Variants in PAGE5 observed in about 807,000 individuals in gnomAD.
The protein encoded by PAGE5 is P antigen family member 5.
In PAGE5, 8 loss-of-function variants were observed where a neutral mutation model predicts 8.1. That is an observed-to-expected ratio of 0.98 (90% CI 0.58 to 1.77). The LOEUF is 1.77. Ranked by LOEUF, PAGE5 falls within the 40% of genes most tolerant of loss-of-function variation. The pLI is 0.00. For missense variants in PAGE5, 64 were observed against 77.6 expected (o/e 0.82, Z 0.66); for synonymous variants, 30 against 27.0 (o/e 1.11, Z -0.35).
At position 55,221,785 on chromosome X, in the gene PAGE5, G is replaced by A. The variant is rs760619797; in HGVS notation, c.100G>A (p.Glu34Lys). 23 of 1,210,034 alleles carry A rather than the reference G, an allele frequency of 1.9e-5. No homozygotes were observed. In the South Asian group the frequency reaches 4.1e-4, roughly 21 times the overall value. ...CCCTTAGGTCCAGCAGCCCACTGAG[G>A]AAAAACGTCAAGAAGAGGAACCACC... Reference protein sequence around the residue: ...GPVIVQQPTEEKRQEEEPPTD... With the variant: ...GPVIVQQPTEKKRQEEEPPTD... The change falls in exon 3 of 5, where the codon GAA (glutamate) becomes AAA (lysine). Residue 34 changes from glutamate to lysine, a missense_variant. By Grantham distance (56) the Glu-to-Lys change is moderately conservative (BLOSUM62 1). Coordinates refer to ENST00000374955, the MANE Select transcript of PAGE5 (RefSeq NM_001013435.3).
rs143069807 is a variant in PAGE5, at chrX:55,222,659, C to T, written c.229C>T (p.Leu77Phe). ...AGCTTTTCAACAGGAACTGGCTCTG[C>T]TTAAGATAGAGGATGCACCTGGAGA... ...VEAFQQELAL[L>F]KIEDAPGDGP... Residue 77 changes from leucine (L) to phenylalanine (F), a missense_variant, in exon 4 of 5, where the codon CTT becomes TTT. Leu to Phe is a conservative substitution (Grantham distance 22). Coordinates refer to ENST00000374955, the MANE Select transcript of PAGE5 (RefSeq NM_001013435.3). The T allele has an allele frequency of 2.5e-5, 30 of 1,207,440 alleles. No individual in the cohort carries two copies. Among genetic ancestry groups the T allele is most frequent in the Middle Eastern group, 2.3e-4 (1 of 4,371 alleles).
At position 55,220,564 on chromosome X, in the gene PAGE5, G is replaced by A. The variant is rs759982638; in HGVS notation, c.-9+112G>A. On this transcript the variant is annotated intron_variant, in intron 1 of 4. Transcript: ENST00000374955. Reference sequence around the variant, plus strand: ...CAGTCCGTGGCTTTGAGGGAAAAGGGCCTCGCGGTGGTCCTCCGCCTTCCC... The same window carrying A: ...CAGTCCGTGGCTTTGAGGGAAAAGGACCTCGCGGTGGTCCTCCGCCTTCCC... 5 of 1,168,923 alleles carry A rather than the reference G, an allele frequency of 4.3e-6. 1 individual carries two copies. The Admixed American group carries it at 1.2e-4, about 29-fold the overall frequency.
intron 3 of PAGE5, among the ~76,000 whole-genome samples, chrX:55,222,358 A>G (rs192471887): frequency 6.2e-5 from 7 of 112,183 alleles, no homozygotes; most frequent in South Asian, 3.7e-4. Flanking sequence ...TAGTCTAGTC[A>G]GACTGACTCA....
chrX:55,223,811 T>C (rs1169976343), intron 4 of PAGE5, among the ~76,000 whole-genome samples, 176 bp from the exon 5 acceptor site: 6 of 111,776 alleles, frequency 5.4e-5, no homozygotes, highest in Non-Finnish European at 1.1e-4. Flanking sequence ...AAAAATATTG[T>C]TAATATGCCT....
rs1444624739 is a variant in PAGE5 at position 55,221,863 on chromosome X, C to T, written c.178C>T (p.Pro60Ser). Residue 60 changes from proline (P) to serine (S), a missense_variant, in exon 3 of 5, where the codon CCT becomes TCT. Pro to Ser is a moderately conservative substitution (Grantham distance 74). Coordinates refer to ENST00000374955, the MANE Select transcript of PAGE5 (RefSeq NM_001013435.3). ...TGGGGAGATCAAAAATGAAGGAGCA[C>T]CTGCTGTTCAAGGTGAAGGGAGAGT... Reference protein sequence around the residue: ...PSGEIKNEGAPAVQGTDVEAF... With the variant: ...PSGEIKNEGASAVQGTDVEAF... 1 of 1,204,113 alleles carries T rather than the reference C, an allele frequency of 8.3e-7. No homozygotes were observed. The highest frequency in any genetic ancestry group is 1.8e-5 in the South Asian group (1 of 55,561).
At chrX:55,223,703 A>G (rs1313688867) in intron 4 of PAGE5, among the ~76,000 whole-genome samples, 1 of 111,866 alleles carries the variant, frequency 8.9e-6, no homozygotes, top group African/African-American at 3.2e-5. Context: ...GCATATTTTT[A>G]CTTTCCACTT....
At chrX:55,220,543 C>A in intron 1 of PAGE5, 91 bp downstream of exon 1, 13 of 1,125,692 alleles carry the variant, frequency 1.2e-5, no homozygotes, top group South Asian at 1.9e-5. Flanking sequence ...GTGGCACAGT[C>A]CGTGGCTTTG....
intron 4 of PAGE5, 98 bp downstream of exon 4, chrX:55,222,844 T>C (rs1388095692): frequency 1.0e-6 from 1 of 994,667 alleles, no homozygotes; most frequent in African/African-American, 1.9e-5. Flanking sequence ...TTTAATATCA[T>C]ACTTCACATC....
At chrX:55,222,808 T>C in intron 4 of PAGE5, 62 bp downstream of exon 4, 12 of 1,129,755 alleles carry the variant, frequency 1.1e-5, no homozygotes, top group Non-Finnish European at 1.4e-5. Flanking sequence ...GTATTTTGTG[T>C]GACACAGAGG....
intron 2 of PAGE5, 54 bp downstream of exon 2, chrX:55,221,517 A>T: frequency 8.8e-7 from 1 of 1,142,365 alleles, no homozygotes; most frequent in Admixed American, 2.2e-5. Context: ...TTTAAAAAAT[A>T]TTTTTGAGCG....
rs910391938 is a variant in PAGE5 at position 55,220,452 on chromosome X, G to A, written c.-9G>A. ...CTTTCTCACTGACCGAGACTCAGCC[G>A]GTAGGTCTGCAGAGTGGTCTTCCTG... On this transcript the variant is annotated splice_region_variant and 5_prime_UTR_variant, in exon 1 of 5. In the 5' UTR this introduces an upstream ATG that the reference lacks. Coordinates refer to ENST00000374955, the MANE Select transcript of PAGE5 (RefSeq NM_001013435.3). The A allele has an allele frequency of 1.5e-5, 8 of 533,459 alleles. No individual in the cohort carries two copies. The highest frequency in any genetic ancestry group is 4.6e-5 in the African/African-American group (2 of 43,616). The allele number at this position is 533,459 out of a possible 1,213,427, so 44.0% of individuals were successfully genotyped here.
chrX:55,223,001 A>C (rs1372768216), intron 4 of PAGE5, among the ~76,000 whole-genome samples: 3 of 111,661 alleles, frequency 2.7e-5, no homozygotes, highest in Non-Finnish European at 3.8e-5. Context: ...GAACTTCAAG[A>C]GATAGAATAA....
rs980841925 is a variant in PAGE5, at chrX:55,222,533, T to G, written c.191-88T>G. The G allele has an allele frequency of 6.9e-6, 7 of 1,019,736 alleles. No individual in the cohort carries two copies. In the African/African-American group the frequency reaches 1.3e-4, roughly 19 times the overall value. 84.0% of individuals were successfully genotyped at this position (1,019,736 alleles called of 1,213,427 possible). A position where few individuals can be genotyped will look rare whatever the true frequency, so the allele number is the denominator to read the frequency against. ...TCTGAAATAATTAGCCTACAGGTTTTTATTTCACAATGATGAGGGAATAAA... is the reference window on the plus strand; with the variant it reads ...TCTGAAATAATTAGCCTACAGGTTTGTATTTCACAATGATGAGGGAATAAA... On this transcript the variant is annotated intron_variant, in intron 3 of 4. Transcript: ENST00000374955.
chrX:55,220,578 C>G, intron 1 of PAGE5, 126 bp downstream of exon 1: 1 of 1,185,575 alleles, frequency 8.4e-7, no homozygotes, highest in Non-Finnish European at 1.1e-6. Context: ...CGCGGTGGTC[C>G]TCCGCCTTCC....
rs1262797498 is a variant in PAGE5, at chrX:55,221,633, G to A, written c.82-134G>A. ...ATATTATATTCTGGTGTTGCCTTAT[G>A]GATATGGATATTTTACTCTCTCTCT... On this transcript the variant is annotated intron_variant, in intron 2 of 4. Coordinates refer to ENST00000374955, the MANE Select transcript of PAGE5 (RefSeq NM_001013435.3). The A allele has an allele frequency of 8.9e-6, 8 of 900,683 alleles. No homozygotes were observed. The East Asian group carries it at 2.0e-4, about 23-fold the overall frequency. 74.2% of individuals were successfully genotyped at this position (900,683 alleles called of 1,213,427 possible).
chrX:55,220,911 C>T (rs371117534), intron 1 of PAGE5, among the ~76,000 whole-genome samples: 27 of 111,075 alleles, frequency 2.4e-4, no homozygotes, highest in African/African-American at 8.8e-4. Context: ...ATAACCTTAA[C>T]TCTGTGTCGC....
chrX:55,222,571 G>T, intron 3 of PAGE5, 50 bp from the exon 4 acceptor site: 1 of 1,132,171 alleles, frequency 8.8e-7, no homozygotes, highest in Non-Finnish European at 1.2e-6. Flanking sequence ...TTATTACCTC[G>T]TTCATAGTTC....
At chrX:55,221,591 G>A (rs1937892382) in intron 2 of PAGE5, 128 bp downstream of exon 2, 2 of 939,500 alleles carry the variant, frequency 2.1e-6, no homozygotes, top group Admixed American at 3.2e-5. Context: ...TCTCATGAAG[G>A]CAACTTTGGT....
intron 4 of PAGE5, 31 bp from the exon 5 acceptor site, chrX:55,223,956 A>G: frequency 9.1e-7 from 1 of 1,096,915 alleles, no homozygotes; most frequent in Non-Finnish European, 1.2e-6. Flanking sequence ...TCTGCTGAAT[A>G]ACGTGCTCTA....
Sources: allele counts gnomAD v4.1 joint callset (sites outside exome capture counted in the v4.1 genomes callset), GRCh38; gene constraint gnomAD v4.1.1; transcripts MANE v1.5; gene names NCBI Gene and HGNC (gene_info 2026-07-23, HGNC 2026-07-21).